Variants in SPTY2D1 observed in about 807,000 individuals in gnomAD.
The protein encoded by SPTY2D1 is SPT2 chromatin protein domain containing 1.
Under a neutral mutation model 64.0 loss-of-function variants are expected in SPTY2D1, and 21 were observed. The ratio of observed to expected loss-of-function variants is 0.33; its 90% CI spans 0.23 to 0.47. The LOEUF is 0.47. Ranked by LOEUF, SPTY2D1 falls within the 20% of genes least tolerant of loss-of-function variation. The probability of loss-of-function intolerance (pLI) is 1.00; values close to 1 mark genes in which losing one functional copy is unlikely to be tolerated. For missense variants in SPTY2D1, 724 were observed against 837.2 expected (o/e 0.86, Z 1.67); for synonymous variants, 287 against 286.8 (o/e 1.00, Z -0.01).
At chr11:18,617,920 C>G (rs1037026639) in intron 1 of SPTY2D1, among the ~76,000 whole-genome samples, 2 of 152,128 alleles carry the variant, frequency 1.3e-5, no homozygotes, top group Non-Finnish European at 2.9e-5. Context: ...CCAGGCTGGA[C>G]AACAGAGCAA....
intron 1 of SPTY2D1, among the ~76,000 whole-genome samples, chr11:18,628,024 G>C (rs752400435): frequency 6.6e-6 from 1 of 152,120 alleles, no homozygotes; most frequent in Non-Finnish European, 1.5e-5. Flanking sequence ...CTCCAGCCCA[G>C]GCGACAGAGC....
intron 1 of SPTY2D1, among the ~76,000 whole-genome samples, chr11:18,623,401 A>G (rs1360856152): frequency 6.6e-6 from 1 of 152,190 alleles, no homozygotes; most frequent in Non-Finnish European, 1.5e-5. Flanking sequence ...GTCTCTATGC[A>G]TTTACCAATT....
chr11:18,612,197 G>T lies in SPTY2D1; in HGVS notation c.1886+117C>A. On this transcript the variant is annotated intron_variant, in intron 4 of 5. Transcript: ENST00000336349. This position sits in a 1 kb window ranked among gnomAD's most constrained non-coding sequence, Gnocchi z 4.6. The stretch of plus-strand genomic sequence containing the variant: ...GTTTATTTAAATAACAATCACCCAA[G>T]GGTTCCTAATTAAGAATTGTATTCA... 1.5e-6 allele frequency: 1 copy of T among 673,512 alleles called. No individual in the cohort carries two copies. Among genetic ancestry groups the T allele is most frequent in the Non-Finnish European group, 2.3e-6 (1 of 428,604 alleles). 41.7% of individuals were successfully genotyped at this position (673,512 alleles called of 1,614,324 possible). A position where few individuals can be genotyped will look rare whatever the true frequency, so the allele number is the denominator to read the frequency against.
chr11:18,623,189 T>C (rs939711811), intron 1 of SPTY2D1, among the ~76,000 whole-genome samples: 2 of 152,230 alleles, frequency 1.3e-5, no homozygotes, highest in Admixed American at 6.5e-5. Context: ...AAAAAACTTA[T>C]TGGAAAAAAA....
Position 18,615,018 on chromosome 11 carries a change from G to T in SPTY2D1, c.1256C>A (p.Thr419Asn). 2 of 1,614,190 alleles carry T rather than the reference G, an allele frequency of 1.2e-6. No individual in the cohort carries two copies. Among genetic ancestry groups the T allele is most frequent in the Non-Finnish European group, 1.7e-6 (2 of 1,180,054 alleles). Residue 419 changes from threonine to asparagine, a missense_variant, in exon 3 of 6, where the codon ACC (threonine) becomes AAC (asparagine). By Grantham distance (65) the Thr-to-Asn change is moderately conservative. Around this residue, in one of 3 missense-constraint regions of SPTY2D1, gnomAD observed 426 missense variants for 431.8 expected, o/e 0.99. Coordinates refer to ENST00000336349, the MANE Select transcript of SPTY2D1 (RefSeq NM_194285.3). ...CCGCCTAGAGGGATTTGAGTCATTGGTTGGCTTCTTGGACCCACTGATTGA... is the reference window on the plus strand; with the variant it reads ...CCGCCTAGAGGGATTTGAGTCATTGTTTGGCTTCTTGGACCCACTGATTGA... The part of the protein sequence containing the change: ...ERSISGSKKP[T>N]NDSNPSRRTV...
At position 18,614,974 on chromosome 11, in the gene SPTY2D1, C is replaced by T. The variant is rs1258332560; in HGVS notation, c.1300G>A (p.Gly434Ser). The stretch of plus-strand genomic sequence containing the variant: ...GAGCTGCTTGCAGGTTGTCCAGGGC[C>T]ACATGTACCACTGACTGTCCGCCTA... ...PSRRTVSGTC[G>S]PGQPASSSGG... is the part of the protein sequence containing the mutation. Residue 434 changes from glycine to serine, a missense_variant, in exon 3 of 6, where the codon GGC becomes AGC. By Grantham distance (56) the Gly-to-Ser change is moderately conservative. Coordinates refer to ENST00000336349, the MANE Select transcript of SPTY2D1 (RefSeq NM_194285.3). The T allele has an allele frequency of 1.2e-6, 2 of 1,614,034 alleles. No homozygotes were observed. The highest frequency in any genetic ancestry group is 2.7e-5 in the African/African-American group (2 of 74,950).
chr11:18,632,763 C>T (rs1364987670), intron 1 of SPTY2D1, among the ~76,000 whole-genome samples: 2 of 152,214 alleles, frequency 1.3e-5, no homozygotes, highest in African/African-American at 4.8e-5. Context: ...TTAGGATTAT[C>T]TGTCTGCTTT....
chr11:18,633,442 A>G (rs146775945), intron 1 of SPTY2D1, among the ~76,000 whole-genome samples: 119 of 152,328 alleles, frequency 7.8e-4, no homozygotes, highest in African/African-American at 2.8e-3. Flanking sequence ...ACCCCCAGAA[A>G]CCAGGCGCTC....
Position 18,614,977 on chromosome 11 carries a change from A to G in SPTY2D1, c.1297T>C (p.Cys433Arg). 2.5e-6 allele frequency: 4 copies of G among 1,614,140 alleles called. No individual in the cohort carries two copies. The highest frequency in any genetic ancestry group is 3.4e-6 in the Non-Finnish European group (4 of 1,180,028). ...NPSRRTVSGT[C>R]GPGQPASSSG... The stretch of plus-strand genomic sequence containing the variant: ...CTGCTTGCAGGTTGTCCAGGGCCAC[A>G]TGTACCACTGACTGTCCGCCTAGAG... The change falls in exon 3 of 6, where the codon TGT (cysteine) becomes CGT (arginine). Residue 433 changes from cysteine (C) to arginine (R), a missense_variant. Coordinates refer to ENST00000336349, the MANE Select transcript of SPTY2D1 (RefSeq NM_194285.3).
In SPTY2D1 at chr11:18,612,472, G is replaced by T. The variant is rs1854222928; in HGVS notation, c.1728C>A (p.Pro576=). 1 of 1,599,748 alleles carries T rather than the reference G, an allele frequency of 6.3e-7. No individual in the cohort carries two copies. Among genetic ancestry groups the T allele is most frequent in the Admixed American group, 1.7e-5 (1 of 57,228 alleles). The change falls in exon 4 of 6, where the codon CCC becomes CCA. Residue 576 remains proline (P), a synonymous_variant. Transcript: ENST00000336349. The surrounding 1 kb of genome is among the most constrained non-coding windows in gnomAD (Gnocchi z 4.6). ...YRAAQGPQRL[P]FPTGYKRQRE... is the part of the protein sequence containing the mutation. Reference sequence around the variant, plus strand: ...GCTGCCTTTTGTAACCAGTAGGGAAGGGAAGCCTTTGAGGACCTAAGAAAC... The same window carrying T: ...GCTGCCTTTTGTAACCAGTAGGGAATGGAAGCCTTTGAGGACCTAAGAAAC...
intron 3 of SPTY2D1, 79 bp downstream of exon 3, chr11:18,614,484 A>T: frequency 7.2e-7 from 1 of 1,383,238 alleles, no homozygotes; most frequent in Non-Finnish European, 9.9e-7. Context: ...AGGGGTTCAA[A>T]GGGTCCCTGA....
chr11:18,622,528 AAAAT>A (rs986061703), intron 1 of SPTY2D1, among the ~76,000 whole-genome samples: 2 of 152,148 alleles, frequency 1.3e-5, no homozygotes, highest in African/African-American at 4.8e-5. Context: ...CTCTGTCTCA[AAAAT>A]AAAATCTTTG....
At chr11:18,617,315 C>T (rs947333470) in intron 1 of SPTY2D1, among the ~76,000 whole-genome samples, 7 of 152,042 alleles carry the variant, frequency 4.6e-5, no homozygotes, top group South Asian at 4.1e-4. Flanking sequence ...TTAGAAGAAT[C>T]GATTATTTGT....
At chr11:18,610,667 T>TAAAAAAAAAAAAAAAA (rs58363516) in intron 5 of SPTY2D1, among the ~76,000 whole-genome samples, 12 of 96,692 alleles carry the variant, frequency 1.2e-4, no homozygotes, top group African/African-American at 3.0e-4. Flanking sequence ...CCCTGTCTCT[T>TAAAAAAAAAAAAAAAA]AAAAAAAAAA....
Position 18,611,374 on chromosome 11 carries a change from T to G in SPTY2D1, c.1964+103A>C, listed in dbSNP as rs113071670. 1.6e-4 allele frequency: 163 copies of G among 1,031,048 alleles called. No individual in the cohort carries two copies. In the African/African-American group the frequency reaches 2.3e-3, roughly 14 times the overall value. 63.9% of individuals were successfully genotyped at this position (1,031,048 alleles called of 1,614,324 possible). A position where few individuals can be genotyped will look rare whatever the true frequency, so the allele number is the denominator to read the frequency against. On this transcript the variant is annotated intron_variant, in intron 5 of 5. Coordinates refer to ENST00000336349, the MANE Select transcript of SPTY2D1 (RefSeq NM_194285.3). ...TAGTAAACAGGATTGGAATCCAGAATTCTCTGGCCCAAAGCCCCAGTTCCC... is the reference window on the plus strand; with the variant it reads ...TAGTAAACAGGATTGGAATCCAGAAGTCTCTGGCCCAAAGCCCCAGTTCCC...
intron 5 of SPTY2D1, among the ~76,000 whole-genome samples, chr11:18,610,678 A>AC (rs1376759171): frequency 2.7e-5 from 4 of 150,714 alleles, no homozygotes; most frequent in Admixed American, 6.6e-5. Context: ...AAAAAAAAAA[A>AC]AAAAAAAAAA....
At chr11:18,613,836 A>G (rs1160907339) in intron 3 of SPTY2D1, among the ~76,000 whole-genome samples, 2 of 152,134 alleles carry the variant, frequency 1.3e-5, no homozygotes, top group East Asian at 1.9e-4. Flanking sequence ...ACTAACCATT[A>G]TAACAAGCAG....
In SPTY2D1 at chr11:18,617,517, T is replaced by C. The variant is rs1400468472; in HGVS notation, c.61-528A>G. Among the ~76,000 whole-genome samples the C allele has an allele frequency of 3.4e-5, 5 of 145,922 alleles. No homozygotes were observed. In the East Asian group the frequency reaches 6.1e-4, roughly 18 times the overall value. On this transcript the variant is annotated intron_variant, in intron 1 of 5. Coordinates refer to ENST00000336349, the MANE Select transcript of SPTY2D1 (RefSeq NM_194285.3). ...GGCGGGTGCCTGTAATCCCAGCTAC[T>C]CAGGAGGCTGAGGCAGAAGAATTGC...
In SPTY2D1 at chr11:18,607,714, T is replaced by C. The variant is rs1565156678; in HGVS notation, c.*2147A>G. The stretch of plus-strand genomic sequence containing the variant: ...AAAATTTAAAAGACTTAACCTTTTT[T>C]TTCTTTTAAATGAGCCACAGAAGTG... On this transcript the variant is annotated 3_prime_UTR_variant, in exon 6 of 6. Transcript: ENST00000336349. 6.6e-6 allele frequency: 1 copy of C among 152,368 alleles called. No homozygotes were observed. The highest frequency in any genetic ancestry group is 2.1e-4 in the South Asian group (1 of 4,834). 9.4% of individuals were successfully genotyped at this position (152,368 alleles called of 1,614,324 possible).
Sources: allele counts gnomAD v4.1 joint callset (sites outside exome capture counted in the v4.1 genomes callset), GRCh38; gene constraint gnomAD v4.1.1; regional missense constraint gnomAD v4.1.1; non-coding constraint Gnocchi (gnomAD v3.1); transcripts MANE v1.5; gene names NCBI Gene and HGNC (gene_info 2026-07-23, HGNC 2026-07-21).